The following MAML3 variants were observed in gnomAD, a reference collection of about 807,000 sequenced individuals.
The protein encoded by MAML3 is mastermind like transcriptional coactivator 3.
A neutral mutation model predicts 101.9 loss-of-function variants in MAML3; 27 were observed. That is an observed-to-expected ratio of 0.27 (90% CI 0.20 to 0.37). MAML3 has a LOEUF of 0.37. MAML3 is among the 10% of genes least tolerant of loss of function. The pLI, the probability that MAML3 is intolerant of heterozygous loss-of-function variation, is 1.00. For missense variants in MAML3, 1,316 were observed against 1,444.9 expected, an observed-to-expected ratio of 0.91 and a Z score of 1.45; for synonymous variants, 501 against 555.9, an observed-to-expected ratio of 0.90 and a Z score of 1.39.
intron 1 of MAML3, among the ~76,000 whole-genome samples, chr4:139,960,470 A>C (rs1321960099): frequency 6.6e-6 from 1 of 152,166 alleles, no homozygotes; most frequent in African/African-American, 2.4e-5. Context: ...TAGGTTGGTA[A>C]AGCTTCACAG....
chr4:139,905,988 A>G (rs1176297040), intron 1 of MAML3, among the ~76,000 whole-genome samples: 1 of 152,252 alleles, frequency 6.6e-6, no homozygotes, highest in Non-Finnish European at 1.5e-5. Context: ...TGGCTGGTTA[A>G]GCAAACAGAC....
chr4:139,828,216 A>C (rs1163684214), intron 2 of MAML3, among the ~76,000 whole-genome samples: 42 of 152,266 alleles, frequency 2.8e-4, no homozygotes, highest in Admixed American at 2.4e-3. Flanking sequence ...CATTTGTGAT[A>C]GTCAGTGACA....
At chr4:140,118,109 T>A (rs1239829168) in intron 1 of MAML3, among the ~76,000 whole-genome samples, 1 of 151,838 alleles carries the variant, frequency 6.6e-6, no homozygotes, top group East Asian at 1.9e-4. Flanking sequence ...CCACAAAAAA[T>A]GTTCTCTCTG....
intron 1 of MAML3, among the ~76,000 whole-genome samples, chr4:140,082,404 A>G (rs1253181117): frequency 6.6e-6 from 1 of 152,214 alleles, no homozygotes; most frequent in Non-Finnish European, 1.5e-5. Flanking sequence ...ACTGCCTCTG[A>G]GAGGAAGGTG....
chr4:139,958,322 C>A (rs1733948143), intron 1 of MAML3, among the ~76,000 whole-genome samples: 1 of 152,166 alleles, frequency 6.6e-6, no homozygotes, highest in Non-Finnish European at 1.5e-5. Flanking sequence ...TGTCATCATT[C>A]ATTCATTTAT....
chr4:139,817,144 T>C (rs1730905637), intron 2 of MAML3, among the ~76,000 whole-genome samples: 1 of 152,212 alleles, frequency 6.6e-6, no homozygotes, highest in Non-Finnish European at 1.5e-5. Context: ...CCATAGCTGG[T>C]TCTGATCCTA....
intron 1 of MAML3, among the ~76,000 whole-genome samples, chr4:139,959,950 C>A (rs1368586106): frequency 1.3e-5 from 2 of 152,084 alleles, no homozygotes; most frequent in African/African-American, 4.8e-5. Context: ...ATGTTCTATA[C>A]CCTACCCTGT....
intron 2 of MAML3, among the ~76,000 whole-genome samples, chr4:139,788,574 C>A (rs1484564435): frequency 1.3e-5 from 2 of 152,162 alleles, no homozygotes; most frequent in Non-Finnish European, 2.9e-5. Context: ...CTGCTAGGTG[C>A]CTACCATTGT....
chr4:139,919,401 G>T (rs907454321), intron 1 of MAML3, among the ~76,000 whole-genome samples: 3 of 152,164 alleles, frequency 2.0e-5, no homozygotes, highest in Admixed American at 1.3e-4. Context: ...ATTTTGAACT[G>T]TAATTCTGCT....
intron 2 of MAML3, among the ~76,000 whole-genome samples, chr4:139,754,658 T>C (rs1238064947): frequency 6.6e-6 from 1 of 152,170 alleles, no homozygotes; most frequent in African/African-American, 2.4e-5. Flanking sequence ...AAGGCTCCTG[T>C]TTTGGTACAT....
At chr4:140,085,896 T>C (rs1727943904) in intron 1 of MAML3, among the ~76,000 whole-genome samples, 1 of 152,224 alleles carries the variant, frequency 6.6e-6, no homozygotes, top group African/African-American at 2.4e-5. Flanking sequence ...TGGCCATTTG[T>C]CCTACAGATT....
chr4:139,883,739 T>C (rs1170678867), intron 2 of MAML3, among the ~76,000 whole-genome samples: 2 of 152,090 alleles, frequency 1.3e-5, no homozygotes, highest in African/African-American at 2.4e-5. Flanking sequence ...AGGAGACTAC[T>C]GTTTCTCATC....
chr4:139,899,264 G>A (rs2111209686), intron 1 of MAML3, among the ~76,000 whole-genome samples: 1 of 152,224 alleles, frequency 6.6e-6, no homozygotes, highest in South Asian at 2.1e-4. Context: ...GAGTTGATTG[G>A]TGATACTCTG....
intron 2 of MAML3, among the ~76,000 whole-genome samples, chr4:139,756,065 C>T (rs1010599663): frequency 5.3e-5 from 8 of 151,978 alleles, no homozygotes; most frequent in African/African-American, 1.7e-4. Flanking sequence ...ATTAGGAAAG[C>T]GGCACATAGT....
intron 1 of MAML3, among the ~76,000 whole-genome samples, chr4:139,928,906 C>T (rs936489532): frequency 6.6e-6 from 1 of 152,060 alleles, no homozygotes; most frequent in Non-Finnish European, 1.5e-5. Context: ...TTGGAAGCTA[C>T]TGAAATAGTT....
chr4:139,811,113 T>C (rs1560801477), intron 2 of MAML3, among the ~76,000 whole-genome samples: 1 of 152,218 alleles, frequency 6.6e-6, no homozygotes, highest in East Asian at 1.9e-4. Context: ...ATCAGTTACA[T>C]TTCCTCTCAT....
intron 1 of MAML3, among the ~76,000 whole-genome samples, chr4:139,992,389 C>T (rs957308363): frequency 4.6e-5 from 7 of 152,138 alleles, no homozygotes; most frequent in African/African-American, 9.7e-5. Flanking sequence ...CTGATCCACA[C>T]GGTTAAGTTT....
At chr4:139,856,351 A>C (rs1272469751) in intron 2 of MAML3, among the ~76,000 whole-genome samples, 2 of 152,248 alleles carry the variant, frequency 1.3e-5, no homozygotes, top group African/African-American at 4.8e-5. Flanking sequence ...GAGAGAACTC[A>C]GGAGAGGGAT....
chr4:139,936,534 A>T (rs1479541098), intron 1 of MAML3, among the ~76,000 whole-genome samples: 1 of 152,036 alleles, frequency 6.6e-6, no homozygotes. Flanking sequence ...TAATTCAGAA[A>T]TTTTCTGAGA....
Sources: allele counts gnomAD v4.1 joint callset (sites outside exome capture counted in the v4.1 genomes callset), GRCh38; gene constraint gnomAD v4.1.1; transcripts MANE v1.5; gene names NCBI Gene and HGNC (gene_info 2026-07-23, HGNC 2026-07-21).